BDP1: variants seen among roughly 807,000 people sequenced by gnomAD.
The protein encoded by BDP1 is BDP1 general transcription factor IIIB subunit, also known as transcription factor TFIIIB component B'' homolog.
Under a neutral mutation model 266.6 loss-of-function variants are expected in BDP1, and 169 were observed. The observed-to-expected ratio is 0.63, with a 90% CI of 0.56 to 0.72. BDP1 has a LOEUF of 0.72. BDP1 is among the 30% of genes least tolerant of loss of function. BDP1 has a pLI of 0.00. For missense variants in BDP1, 3,015 were observed against 3,053.8 expected (o/e 0.99, Z 0.30); for synonymous variants, 1,090 against 1,022.4 (o/e 1.07, Z -1.26).
intron 25 of BDP1, among the ~76,000 whole-genome samples, chr5:71,525,284 CCCGGACGGGGCGGCTGGCCG>C (rs1765738755): frequency 6.8e-6 from 1 of 146,880 alleles, no homozygotes; most frequent in South Asian, 2.2e-4. Flanking sequence ...CCACCTCCCT[CCCGGACGGGGCGGCTGGCCG>C]GGCAGAGGGG....
chr5:71,495,253 TCAA>T lies in BDP1; in HGVS notation c.1648_1650del (p.Gln550del). 6.5e-7 allele frequency: 1 copy of T among 1,534,534 alleles called. No individual in the cohort carries two copies. On this transcript the variant is annotated inframe_deletion, in exon 12 of 39. Coordinates refer to ENST00000358731, the MANE Select transcript of BDP1 (RefSeq NM_018429.3). Reference sequence around the variant, plus strand: ...TGAAATATTTTCTTTTTTTTAGTAATCAACAAGATGCCACATCAGTAGCAACTG... The same window carrying T: ...TGAAATATTTTCTTTTTTTTAGTAATCAAGATGCCACATCAGTAGCAACTG...
chr5:71,513,756 T>C (rs965969151), intron 19 of BDP1, among the ~76,000 whole-genome samples: 32 of 152,102 alleles, frequency 2.1e-4, no homozygotes, highest in Non-Finnish European at 2.5e-4. Context: ...AGTCTCACTC[T>C]GTTCCCAGGC....
At chr5:71,542,020 A>C in intron 29 of BDP1, 85 bp from the exon 30 acceptor site, 2 of 1,095,790 alleles carry the variant, frequency 1.8e-6, no homozygotes, top group Non-Finnish European at 1.3e-6. Context: ...CAGGTCATTC[A>C]CTCTATCAGT....
At chr5:71,486,738 A>C in intron 9 of BDP1, 111 bp downstream of exon 9, 1 of 848,160 alleles carries the variant, frequency 1.2e-6, no homozygotes, top group Non-Finnish European at 1.7e-6. Context: ...AAGATCATCA[A>C]AGCATCCAGT....
chr5:71,544,632 C>T (rs1742125200), intron 31 of BDP1, 125 bp downstream of exon 31: 4 of 1,008,112 alleles, frequency 4.0e-6, no homozygotes, highest in African/African-American at 1.6e-5. Flanking sequence ...GTAATCCCGG[C>T]ACTTTGGGAG....
At chr5:71,516,597 C>T (rs991229902) in intron 21 of BDP1, among the ~76,000 whole-genome samples, 1 of 152,144 alleles carries the variant, frequency 6.6e-6, no homozygotes, top group Admixed American at 6.5e-5. Context: ...ATTATGTGCA[C>T]ACTTATGCAA....
At chr5:71,568,182 C>T (rs552848315), downstream of BDP1, among the ~76,000 whole-genome samples, 4 of 151,972 alleles carry the variant, frequency 2.6e-5, no homozygotes, top group African/African-American at 9.7e-5. Flanking sequence ...GTGTGCATGT[C>T]GTTATTTCAA....
rs146835117 is a variant in BDP1, at chr5:71,553,591, A to G, written c.7200+271A>G. Among the ~76,000 whole-genome samples, 525 of 152,278 alleles carry G rather than the reference A, an allele frequency of 3.4e-3. 3 individuals are homozygous for G. The highest frequency in any genetic ancestry group is 0.012 in the African/African-American group (495 of 41,552). On this transcript the variant is annotated intron_variant, in intron 35 of 38. Transcript: ENST00000358731. ...AAAAATAAGACCAAAAGCATTATAT[A>G]TGTCTGGATCTTGGCTCTACCACCT... is the stretch of plus-strand genomic sequence containing the variant.
chr5:71,456,450 T>C (rs1214891946), intron 1 of BDP1, among the ~76,000 whole-genome samples: 1 of 152,244 alleles, frequency 6.6e-6, no homozygotes, highest in Non-Finnish European at 1.5e-5. Flanking sequence ...GTTTTTGTCT[T>C]TCAATTTATA....
chr5:71,479,481 T>A (rs867622771), intron 7 of BDP1, among the ~76,000 whole-genome samples: 5 of 152,192 alleles, frequency 3.3e-5, no homozygotes, highest in Non-Finnish European at 7.3e-5. Context: ...AATATCTAGA[T>A]CATATTGGAA....
rs276589 is a variant in BDP1, at chr5:71,539,099, T to C, written c.5929+21T>C. The C allele has an allele frequency of 0.34, 526,376 of 1,559,256 alleles. 94,060 individuals carry two copies. Among genetic ancestry groups the C allele is most frequent in the Admixed American group, 0.56 (31,937 of 56,580 alleles). On this transcript the variant is annotated intron_variant, in intron 27 of 38. Transcript: ENST00000358731. Reference sequence around the variant, plus strand: ...ACCAGGTAACTGTTATCAAGGAAACTGCTAAGACTACCTTGATTAACACTA... The same window carrying C: ...ACCAGGTAACTGTTATCAAGGAAACCGCTAAGACTACCTTGATTAACACTA...
chr5:71,515,632 A>G (rs558194156), intron 20 of BDP1, among the ~76,000 whole-genome samples: 12 of 152,310 alleles, frequency 7.9e-5, no homozygotes, highest in African/African-American at 2.4e-4. Flanking sequence ...AAAAATTAGT[A>G]TACACATAAG....
At chr5:71,551,823 G>C (rs1742789387) in intron 34 of BDP1, among the ~76,000 whole-genome samples, 1 of 150,462 alleles carries the variant, frequency 6.6e-6, no homozygotes, top group Non-Finnish European at 1.5e-5. Context: ...CCGGGCAGAG[G>C]GGCTCCCCAC....
At chr5:71,487,408 A>T (rs1413528762) in intron 9 of BDP1, among the ~76,000 whole-genome samples, 2 of 151,450 alleles carry the variant, frequency 1.3e-5, no homozygotes, top group African/African-American at 2.4e-5. Context: ...CACCCGGCTA[A>T]TTTTTTTTGT....
chr5:71,525,267 A>AC lies in BDP1; in HGVS notation c.5772+952dup, dbSNP rs1257894176. ...GGGTGGCTGGCCAGGCGGGGGGCTG[A>AC]CCCCCCCCACCTCCCTCCCGGACGG... On this transcript the variant is annotated intron_variant, in intron 25 of 38. Coordinates refer to ENST00000358731, the MANE Select transcript of BDP1 (RefSeq NM_018429.3). Among the ~76,000 whole-genome samples the AC allele has an allele frequency of 5.0e-3, 565 of 113,344 alleles. 6 individuals carry two copies. Among genetic ancestry groups the AC allele is most frequent in the Admixed American group, 6.9e-3 (76 of 10,936 alleles). The allele number at this position is 113,344 out of a possible 152,430, so 74.4% of individuals were successfully genotyped here.
At chr5:71,461,397 G>T (rs1761551985) in intron 2 of BDP1, among the ~76,000 whole-genome samples, 2 of 151,106 alleles carry the variant, frequency 1.3e-5, no homozygotes, top group South Asian at 4.2e-4. Flanking sequence ...TTGAGCCCAG[G>T]AATTTGAGAG....
At chr5:71,576,462 A>G in the BDP1 span, among the ~76,000 whole-genome samples, 1 of 152,228 alleles carries the variant, frequency 6.6e-6, no homozygotes, top group Non-Finnish European at 1.5e-5. Flanking sequence ...AAAATCATGT[A>G]CTTATTAAGT....
chr5:71,501,547 A>C lies in BDP1; in HGVS notation c.1957-15A>C, dbSNP rs1189097750. 6.9e-7 allele frequency: 1 copy of C among 1,439,074 alleles called. No individual in the cohort carries two copies. The highest frequency in any genetic ancestry group is 9.7e-7 in the Non-Finnish European group (1 of 1,029,336). 89.1% of individuals were successfully genotyped at this position (1,439,074 alleles called of 1,614,324 possible). On this transcript the variant is annotated splice_polypyrimidine_tract_variant and intron_variant, in intron 13 of 38. Transcript: ENST00000358731. ...TTATTGTAAGTAGATAAATTGTAGC[A>C]AATTAAATTCACAGAACCACGTGGA... is the stretch of plus-strand genomic sequence containing the variant.
Position 71,510,492 on chromosome 5 carries a change from G to A in BDP1, c.3400G>A (p.Val1134Met). The change falls in exon 17 of 39, where the codon GTG becomes ATG. Residue 1134 changes from valine to methionine, a missense_variant. Val to Met is a conservative substitution (Grantham distance 21). Transcript: ENST00000358731. ...TTCCCCAAGGGAGAAGACACCAGAG[G>A]TGATTGATGCCACTGAGGAAATAGA... Reference protein sequence around the residue: ...EISPREKTPEVIDATEEIDKD... With the variant: ...EISPREKTPEMIDATEEIDKD... 1 of 1,613,844 alleles carries A rather than the reference G, an allele frequency of 6.2e-7. No homozygotes were observed. Among genetic ancestry groups the A allele is most frequent in the African/African-American group, 1.3e-5 (1 of 74,956 alleles).
Sources: allele counts gnomAD v4.1 joint callset (sites outside exome capture counted in the v4.1 genomes callset), GRCh38; gene constraint gnomAD v4.1.1; transcripts MANE v1.5; gene names NCBI Gene and HGNC (gene_info 2026-07-23, HGNC 2026-07-21).